Variants in JAM3 observed in about 807,000 individuals in gnomAD.
JAM3 encodes junctional adhesion molecule C.
Under a neutral mutation model 39.4 loss-of-function variants are expected in JAM3, and 31 were observed. The ratio of observed to expected loss-of-function variants is 0.79; its 90% CI spans 0.59 to 1.06. The LOEUF is 1.06. JAM3 is among the 50% of genes least tolerant of loss of function. The probability of loss-of-function intolerance (pLI) is 0.00; values close to 1 mark genes in which losing one functional copy is unlikely to be tolerated. For missense variants in JAM3, 455 were observed against 391.4 expected (o/e 1.16, Z -1.37); for synonymous variants, 182 against 148.7 (o/e 1.22, Z -1.63).
intron 1 of JAM3, among the ~76,000 whole-genome samples, chr11:134,117,499 A>G (rs1942459479): frequency 6.6e-6 from 1 of 152,242 alleles, no homozygotes; most frequent in African/African-American, 2.4e-5. Context: ...AGACTGCAGT[A>G]AAACTGATGT....
chr11:134,069,112 G>A lies in JAM3; in HGVS notation c.29G>A (p.Arg10Gln). The A allele has an allele frequency of 1.2e-6, 2 of 1,612,386 alleles. No individual in the cohort carries two copies. Among genetic ancestry groups the A allele is most frequent in the Middle Eastern group, 1.7e-4 (1 of 6,054 alleles). MALRRPPRL[R>Q]LCARLPDFFL... ...GCGCTGAGGCGGCCACCGCGACTCC[G>A]GCTCTGCGCTCGGCTGCCTGACTTC... The change falls in exon 1 of 9, where the codon CGG becomes CAG. Residue 10 changes from arginine (R) to glutamine (Q), a missense_variant. Coordinates refer to ENST00000299106, the MANE Select transcript of JAM3 (RefSeq NM_032801.5).
chr11:134,138,983 A>G lies in JAM3; in HGVS notation c.77-868A>G, dbSNP rs549453813. ...TTTTCTTTAGCGGTTATCATAAGCC[A>G]GGACCCAGAGACCTTCATCAAGGTG... On this transcript the variant is annotated intron_variant, in intron 1 of 8. Transcript: ENST00000299106. Among the ~76,000 whole-genome samples, 3 of 152,332 alleles carry G rather than the reference A, an allele frequency of 2.0e-5. No homozygotes were observed. In the South Asian group the frequency reaches 6.2e-4, roughly 32 times the overall value.
At chr11:134,076,548 CTGT>C (rs1275420255) in intron 1 of JAM3, among the ~76,000 whole-genome samples, 6 of 152,256 alleles carry the variant, frequency 3.9e-5, no homozygotes, top group Non-Finnish European at 7.4e-5. Flanking sequence ...AGATCTAAAT[CTGT>C]TGTTATTTCT....
At chr11:134,106,652 T>A (rs904954086) in intron 1 of JAM3, among the ~76,000 whole-genome samples, 4 of 149,604 alleles carry the variant, frequency 2.7e-5, no homozygotes, top group African/African-American at 9.7e-5. Context: ...GAAAAAAACC[T>A]CATCAACAAA....
Position 134,141,850 on chromosome 11 carries a change from G to C in JAM3, c.256+1080G>C, listed in dbSNP as rs1356365228. Among the ~76,000 whole-genome samples the C allele has an allele frequency of 7.9e-5, 12 of 152,184 alleles. 1 individual carries two copies. In the South Asian group the frequency reaches 2.5e-3, roughly 32 times the overall value. ...GGGAGCTGCAGGAGGTACACATGCA[G>C]GCTCGTGCATGAGTCGGAGCCTGTG... On this transcript the variant is annotated intron_variant, in intron 3 of 8. Transcript: ENST00000299106.
Position 134,132,433 on chromosome 11 carries a change from C to T in JAM3, c.77-7418C>T, listed in dbSNP as rs117155103. ...CTATAGGAAATATGAAAGGGAGACCCGCAGGTTGAAATGAAAGAATACTTA... is the reference window on the plus strand; with the variant it reads ...CTATAGGAAATATGAAAGGGAGACCTGCAGGTTGAAATGAAAGAATACTTA... On this transcript the variant is annotated intron_variant, in intron 1 of 8. Coordinates refer to ENST00000299106, the MANE Select transcript of JAM3 (RefSeq NM_032801.5). 5.4e-3 allele frequency among the ~76,000 whole-genome samples: 825 copies of T among 152,098 alleles called. 5 individuals carry two copies. The highest frequency in any genetic ancestry group is 0.02 in the Middle Eastern group (6 of 294).
rs771159725 is a variant in JAM3, at chr11:134,144,290, C to T, written c.306C>T (p.Ile102=). The T allele has an allele frequency of 1.3e-5, 21 of 1,614,158 alleles. No individual in the cohort carries two copies. The highest frequency in any genetic ancestry group is 1.7e-5 in the Non-Finnish European group (20 of 1,180,016). ...TACTGGGGAAGACATCCCTGAAGAT[C>T]TGGAATGTGACACGGAGAGACTCAG... ...AEILGKTSLK[I]WNVTRRDSAL... The change falls in exon 4 of 9, where the codon ATC becomes ATT. Residue 102 remains isoleucine, a synonymous_variant. Coordinates refer to ENST00000299106, the MANE Select transcript of JAM3 (RefSeq NM_032801.5).
intron 1 of JAM3, among the ~76,000 whole-genome samples, chr11:134,117,763 C>T (rs1276507795): frequency 6.6e-6 from 1 of 152,028 alleles, no homozygotes; most frequent in Non-Finnish European, 1.5e-5. Flanking sequence ...GGTGAGATTC[C>T]CTTATATTTT....
At chr11:134,115,616 G>T (rs1942413375) in intron 1 of JAM3, among the ~76,000 whole-genome samples, 1 of 152,044 alleles carries the variant, frequency 6.6e-6, no homozygotes, top group Non-Finnish European at 1.5e-5. Context: ...ATTGGGGGAG[G>T]GGGTCAGGTG....
At chr11:134,106,311 T>C (rs1942184862) in intron 1 of JAM3, among the ~76,000 whole-genome samples, 1 of 152,074 alleles carries the variant, frequency 6.6e-6, no homozygotes, top group Admixed American at 6.6e-5. Flanking sequence ...AAGCTGAAAC[T>C]GGATCCCTTC....
intron 1 of JAM3, among the ~76,000 whole-genome samples, chr11:134,105,338 T>C (rs1291201760): frequency 6.6e-6 from 1 of 152,192 alleles, no homozygotes; most frequent in African/African-American, 2.4e-5. Context: ...AAATTAGGTA[T>C]TGATGGGACG....
At chr11:134,121,770 T>C (rs1942536475) in intron 1 of JAM3, among the ~76,000 whole-genome samples, 1 of 152,062 alleles carries the variant, frequency 6.6e-6, no homozygotes, top group Non-Finnish European at 1.5e-5. Flanking sequence ...GAATGTAATT[T>C]TCCTAACTTG....
In JAM3 at chr11:134,144,939, C is replaced by T; in HGVS notation, c.557C>T (p.Ala186Val). 1 of 1,614,184 alleles carries T rather than the reference C, an allele frequency of 6.2e-7. No individual in the cohort carries two copies. The highest frequency in any genetic ancestry group is 8.5e-7 in the Non-Finnish European group (1 of 1,180,008). Residue 186 changes from alanine to valine, a missense_variant, in exon 5 of 9, where the codon GCC becomes GTC. Coordinates refer to ENST00000299106, the MANE Select transcript of JAM3 (RefSeq NM_032801.5). The stretch of plus-strand genomic sequence containing the variant: ...GTACCACTGCCCACGGATTCCAGAG[C>T]CAATCCCAGATTTCGCAATTCTTCT... ...NDVPLPTDSR[A>V]NPRFRNSSFH...
chr11:134,101,615 C>T (rs1172881246), intron 1 of JAM3, among the ~76,000 whole-genome samples: 1 of 152,148 alleles, frequency 6.6e-6, no homozygotes, highest in Non-Finnish European at 1.5e-5. Flanking sequence ...AACCTTTGTG[C>T]CTTTGTAATG....
intron 1 of JAM3, among the ~76,000 whole-genome samples, chr11:134,120,979 C>G (rs922434729): frequency 1.3e-5 from 2 of 152,244 alleles, no homozygotes; most frequent in African/African-American, 4.8e-5. Context: ...CATCCTCATG[C>G]TCAACAATAG....
At chr11:134,113,529 C>T (rs499392) in intron 1 of JAM3, among the ~76,000 whole-genome samples, 60,053 of 151,932 alleles carry the variant, frequency 0.4, 12,906 homozygotes, top group African/African-American at 0.58. Flanking sequence ...AACTCATCAT[C>T]TTTTATGGCT....
At chr11:134,129,888 G>C (rs1422084524) in intron 1 of JAM3, among the ~76,000 whole-genome samples, 1 of 152,134 alleles carries the variant, frequency 6.6e-6, no homozygotes, top group Non-Finnish European at 1.5e-5. Context: ...TACAGTCCCA[G>C]CTACTCGGGA....
intron 1 of JAM3, among the ~76,000 whole-genome samples, chr11:134,138,832 T>C (rs1942921436): frequency 6.6e-6 from 1 of 152,218 alleles, no homozygotes; most frequent in Non-Finnish European, 1.5e-5. Context: ...TAGTGAAATC[T>C]GACTATTTAG....
intron 1 of JAM3, among the ~76,000 whole-genome samples, chr11:134,135,838 G>A (rs1475750150): frequency 6.6e-6 from 1 of 152,126 alleles, no homozygotes; most frequent in Admixed American, 6.5e-5. Flanking sequence ...GGGGGCCGAG[G>A]CGGGTAGAAC....
Sources: allele counts gnomAD v4.1 joint callset (sites outside exome capture counted in the v4.1 genomes callset), GRCh38; gene constraint gnomAD v4.1.1; transcripts MANE v1.5; gene names NCBI Gene and HGNC (gene_info 2026-07-23, HGNC 2026-07-21).